The following RNGTT variants were observed in gnomAD, a reference collection of about 807,000 sequenced individuals.
The protein encoded by RNGTT is RNA guanylyltransferase and 5'-phosphatase.
In RNGTT, 33 loss-of-function variants were observed where a neutral mutation model predicts 79.3. The observed-to-expected ratio is 0.42, with a 90% CI of 0.32 to 0.56. The LOEUF (loss-of-function observed/expected upper bound fraction) is 0.56, where lower values mean the gene tolerates loss of function less well. Ranked by LOEUF, RNGTT falls within the 20% of genes least tolerant of loss-of-function variation. RNGTT has a pLI of 0.17. For synonymous variants in RNGTT, 222 were observed against 235.9 expected (o/e 0.94, Z 0.54); for missense variants, 497 against 739.1 (o/e 0.67, Z 3.80).
intron 4 of RNGTT, among the ~76,000 whole-genome samples, chr6:88,911,607 A>G (rs181650602): frequency 9.2e-5 from 14 of 152,270 alleles, no homozygotes; most frequent in Admixed American, 9.2e-4. Flanking sequence ...AACACTCAAA[A>G]CCACACAATT....
chr6:88,854,843 T>C (rs1220331558), intron 8 of RNGTT, among the ~76,000 whole-genome samples: 6 of 152,142 alleles, frequency 3.9e-5, no homozygotes, highest in African/African-American at 1.4e-4. Context: ...TCACACCACA[T>C]ATAAAGTCCA....
intron 8 of RNGTT, among the ~76,000 whole-genome samples, chr6:88,878,479 A>G (rs1397432592): frequency 6.6e-6 from 1 of 152,162 alleles, no homozygotes; most frequent in Non-Finnish European, 1.5e-5. Context: ...TTTGAAACAA[A>G]TATTTTACTT....
At chr6:88,770,253 C>T (rs1190181441) in intron 12 of RNGTT, among the ~76,000 whole-genome samples, 1 of 151,940 alleles carries the variant, frequency 6.6e-6, no homozygotes, top group African/African-American at 2.4e-5. Flanking sequence ...AGTTACGTAA[C>T]CATGACCAAA....
intron 13 of RNGTT, among the ~76,000 whole-genome samples, chr6:88,687,872 G>C (rs575173187): frequency 2.6e-5 from 4 of 152,216 alleles, no homozygotes; most frequent in Admixed American, 6.5e-5. Flanking sequence ...AGTGAAGAGT[G>C]ACATATCTAT....
rs941715507 is a variant in RNGTT, at chr6:88,951,116, C to T, written c.65-9936G>A. On this transcript the variant is annotated intron_variant, in intron 1 of 15. Transcript: ENST00000369485. ...TCAGGTGATCCGCCTGCCTCGGCCT[C>T]CCAGAGTGCTAGGATTATAGGTGTG... Among the ~76,000 whole-genome samples, 47 of 152,054 alleles carry T rather than the reference C, an allele frequency of 3.1e-4. 1 individual carries two copies. Among genetic ancestry groups the T allele is most frequent in the South Asian group, 2.1e-4 (1 of 4,816 alleles).
intron 6 of RNGTT, among the ~76,000 whole-genome samples, chr6:88,899,349 T>G (rs2127939346): frequency 6.6e-6 from 1 of 152,076 alleles, no homozygotes; most frequent in South Asian, 2.1e-4. Flanking sequence ...CACAGCTCAC[T>G]GACTGCAGTC....
In RNGTT at chr6:88,734,172, A is replaced by C. The variant is rs545037777; in HGVS notation, c.1439+35602T>G. The stretch of plus-strand genomic sequence containing the variant: ...TGAAATAAATGACAATAATGTTATA[A>C]GGGATGAAAGGGAGGAACTGAGATA... On this transcript the variant is annotated intron_variant, in intron 13 of 15. Transcript: ENST00000369485. 7.2e-5 allele frequency among the ~76,000 whole-genome samples: 11 copies of C among 152,262 alleles called. 1 individual carries two copies. In the South Asian group the frequency reaches 2.3e-3, roughly 32 times the overall value.
chr6:88,914,753 C>G (rs1049826055), intron 4 of RNGTT, among the ~76,000 whole-genome samples: 2 of 152,000 alleles, frequency 1.3e-5, no homozygotes. Context: ...TCTAAGTCCT[C>G]AAAAACAAAA....
At chr6:88,913,666 T>C (rs539128963) in intron 4 of RNGTT, among the ~76,000 whole-genome samples, 5 of 152,330 alleles carry the variant, frequency 3.3e-5, no homozygotes, top group South Asian at 4.1e-4. Flanking sequence ...CATTCCTGCA[T>C]GATAATAATC....
intron 13 of RNGTT, among the ~76,000 whole-genome samples, chr6:88,767,329 A>G (rs1251121049): frequency 6.6e-6 from 1 of 152,144 alleles, no homozygotes; most frequent in Non-Finnish European, 1.5e-5. Flanking sequence ...TTTAAAACGT[A>G]CTATGAATAA....
chr6:88,678,595 T>C (rs1190623630), intron 13 of RNGTT, among the ~76,000 whole-genome samples, 176 bp from the exon 14 acceptor site: 1 of 152,112 alleles, frequency 6.6e-6, no homozygotes, highest in Non-Finnish European at 1.5e-5. Flanking sequence ...TATGAGATAG[T>C]AACCAGAAAA....
intron 1 of RNGTT, among the ~76,000 whole-genome samples, chr6:88,953,386 A>C (rs1211876842): frequency 6.6e-6 from 1 of 152,156 alleles, no homozygotes; most frequent in East Asian, 1.9e-4. Context: ...CAGAGCTCGA[A>C]GACAAAGCTT....
intron 4 of RNGTT, among the ~76,000 whole-genome samples, chr6:88,927,284 A>T (rs1199094996): frequency 1.3e-5 from 2 of 152,114 alleles, no homozygotes; most frequent in African/African-American, 4.8e-5. Flanking sequence ...GCACTTTGGG[A>T]GGCCGAGGTA....
intron 11 of RNGTT, among the ~76,000 whole-genome samples, chr6:88,801,924 T>C (rs1204085139): frequency 6.7e-6 from 1 of 149,156 alleles, no homozygotes. Context: ...ACCAAAATAA[T>C]GAATAAAGCA....
At position 88,748,603 on chromosome 6, in the gene RNGTT, G is replaced by T. The variant is rs564959801; in HGVS notation, c.1439+21171C>A. Among the ~76,000 whole-genome samples, 3 of 151,938 alleles carry T rather than the reference G, an allele frequency of 2.0e-5. No homozygotes were observed. In the South Asian group the frequency reaches 6.2e-4, roughly 32 times the overall value. On this transcript the variant is annotated intron_variant, in intron 13 of 15. Coordinates refer to ENST00000369485, the MANE Select transcript of RNGTT (RefSeq NM_003800.5). ...AACATATTATCTAATTTACTTATTT[G>T]TTATGTTTATTGTCTGTCTCTCTTA...
At chr6:88,933,825 T>C (rs896132625) in intron 2 of RNGTT, among the ~76,000 whole-genome samples, 7 of 152,238 alleles carry the variant, frequency 4.6e-5, no homozygotes, top group African/African-American at 1.7e-4. Flanking sequence ...CACCCTTTGA[T>C]AAAATTATTT....
intron 13 of RNGTT, among the ~76,000 whole-genome samples, chr6:88,733,638 A>G (rs1272520660): frequency 6.6e-6 from 1 of 152,036 alleles, no homozygotes; most frequent in African/African-American, 2.4e-5. Flanking sequence ...GAAAAAATCT[A>G]CACACAGGCA....
intron 8 of RNGTT, among the ~76,000 whole-genome samples, chr6:88,862,094 A>C (rs1199630653): frequency 6.6e-6 from 1 of 152,180 alleles, no homozygotes; most frequent in East Asian, 1.9e-4. Flanking sequence ...ATATACATAT[A>C]TTTGTTCTTC....
At chr6:88,950,055 C>T (rs1416112548) in intron 1 of RNGTT, among the ~76,000 whole-genome samples, 1 of 152,160 alleles carries the variant, frequency 6.6e-6, no homozygotes, top group Non-Finnish European at 1.5e-5. Flanking sequence ...TCTGAAAATA[C>T]TAGGGCCCTT....
Sources: allele counts gnomAD v4.1 joint callset (sites outside exome capture counted in the v4.1 genomes callset), GRCh38; gene constraint gnomAD v4.1.1; transcripts MANE v1.5; gene names NCBI Gene and HGNC (gene_info 2026-07-23, HGNC 2026-07-21).